Variants in P2RY14 observed in about 807,000 individuals in gnomAD.
P2RY14 encodes the protein purinergic receptor P2Y14.
P2RY14 carries 2 observed loss-of-function variants against 0.9 expected under a neutral mutation model. The observed-to-expected ratio is 2.16, with a 90% CI of 0.88 to 6.79. The LOEUF is 6.79. P2RY14 is among the 30% of genes most tolerant of loss of function. The pLI is 0.05. For synonymous variants in P2RY14, 158 were observed against 147.2 expected (o/e 1.07, Z -0.53); for missense variants, 378 against 400.1 (o/e 0.94, Z 0.47).
intron 1 of P2RY14, among the ~76,000 whole-genome samples, chr3:151,232,622 G>A (rs1731914624): frequency 6.6e-6 from 1 of 152,150 alleles, no homozygotes; most frequent in Admixed American, 6.5e-5. Flanking sequence ...AAAAGAATGA[G>A]ATCATGTCTT....
At chr3:151,234,256 T>C (rs993449339) in intron 1 of P2RY14, among the ~76,000 whole-genome samples, 8 of 152,268 alleles carry the variant, frequency 5.3e-5, no homozygotes, top group Non-Finnish European at 7.3e-5. Flanking sequence ...TGAGACTGAA[T>C]TAACTACAGT....
intron 1 of P2RY14, among the ~76,000 whole-genome samples, chr3:151,274,046 A>G (rs1215578403): frequency 6.6e-6 from 1 of 152,190 alleles, no homozygotes; most frequent in Non-Finnish European, 1.5e-5. Flanking sequence ...TAAACTGAGA[A>G]ACTGGATTTG....
chr3:151,274,877 C>T (rs1477290400), intron 1 of P2RY14, among the ~76,000 whole-genome samples: 2 of 152,134 alleles, frequency 1.3e-5, no homozygotes, highest in Non-Finnish European at 2.9e-5. Context: ...TGTTGGCTGC[C>T]TCATTGTAAG....
chr3:151,256,963 T>G (rs992988614), intron 1 of P2RY14, among the ~76,000 whole-genome samples: 1 of 152,096 alleles, frequency 6.6e-6, no homozygotes, highest in Non-Finnish European at 1.5e-5. Context: ...AGTCCACATA[T>G]GAAGTATGTA....
intron 1 of P2RY14, among the ~76,000 whole-genome samples, chr3:151,246,601 A>G (rs1336540967): frequency 1.3e-5 from 2 of 152,188 alleles, no homozygotes; most frequent in Non-Finnish European, 2.9e-5. Flanking sequence ...CCTTTCTTAC[A>G]CCTTATACAA....
chr3:151,254,638 A>T (rs1202662050), intron 1 of P2RY14, among the ~76,000 whole-genome samples: 1 of 152,258 alleles, frequency 6.6e-6, no homozygotes, highest in Non-Finnish European at 1.5e-5. Flanking sequence ...AGCTGCATTT[A>T]GAGAGAAATG....
chr3:151,242,583 A>G (rs1209499701), intron 1 of P2RY14, among the ~76,000 whole-genome samples: 13 of 152,218 alleles, frequency 8.5e-5, no homozygotes, highest in Admixed American at 7.8e-4. Flanking sequence ...AAACTAACAA[A>G]CAGAAAACAC....
rs55920434 is a variant in P2RY14 at position 151,270,196 on chromosome 3, CGTGT to C, written c.-133+8087_-133+8090del. Reference sequence around the variant, plus strand: ...TCTCCAGTTCCTGGGAGCAAGCTGTCGTGTGTGTGTGTGTGTGTGTGTGTGTGTG... The same window carrying C: ...TCTCCAGTTCCTGGGAGCAAGCTGTCGTGTGTGTGTGTGTGTGTGTGTGTG... On this transcript the variant is annotated intron_variant, in intron 1 of 2. Transcript: ENST00000309170. 279 of 129,698 alleles carry C rather than the reference CGTGT, an allele frequency of 2.2e-3. 1 individual carries two copies. The highest frequency in any genetic ancestry group is 6.1e-3 in the African/African-American group (186 of 30,362). 8.0% of individuals were successfully genotyped at this position (129,698 alleles called of 1,614,324 possible).
At chr3:151,267,320 A>G (rs1740029863) in intron 1 of P2RY14, among the ~76,000 whole-genome samples, 1 of 152,226 alleles carries the variant, frequency 6.6e-6, no homozygotes, top group Non-Finnish European at 1.5e-5. Context: ...AGTCATTGAA[A>G]TACTTCATGA....
intron 1 of P2RY14, among the ~76,000 whole-genome samples, chr3:151,235,633 G>A (rs1247918258): frequency 4.6e-5 from 7 of 152,094 alleles, no homozygotes; most frequent in Non-Finnish European, 2.9e-5. Flanking sequence ...GGCAGAGGTC[G>A]CAGTGAGCTG....
At chr3:151,214,375 A>G (rs1727780522) in intron 2 of P2RY14, 35 bp from the exon 3 acceptor site, 6 of 1,381,448 alleles carry the variant, frequency 4.3e-6, no homozygotes, top group South Asian at 3.9e-5. Flanking sequence ...CTCATAGGGC[A>G]CTTATGGCCT....
chr3:151,245,522 A>G lies in P2RY14; in HGVS notation c.-132-25880T>C, dbSNP rs1159737173. On this transcript the variant is annotated intron_variant, in intron 1 of 2. Coordinates refer to ENST00000309170, the MANE Select transcript of P2RY14 (RefSeq NM_014879.4). Reference sequence around the variant, plus strand: ...AAACAGAGCCAAAGACAAAAACCACATGATTATCTCAATAGATGCAGAAAA... The same window carrying G: ...AAACAGAGCCAAAGACAAAAACCACGTGATTATCTCAATAGATGCAGAAAA... 1.4e-4 allele frequency among the ~76,000 whole-genome samples: 21 copies of G among 145,802 alleles called. No individual in the cohort carries two copies. In the East Asian group the frequency reaches 3.8e-3, roughly 27 times the overall value.
At chr3:151,254,918 G>C (rs1213467031) in intron 1 of P2RY14, among the ~76,000 whole-genome samples, 1 of 152,210 alleles carries the variant, frequency 6.6e-6, no homozygotes, top group African/African-American at 2.4e-5. Context: ...TGTCGGAATA[G>C]TTGAGACTTG....
At chr3:151,256,100 T>C (rs1420318233) in intron 1 of P2RY14, among the ~76,000 whole-genome samples, 1 of 152,254 alleles carries the variant, frequency 6.6e-6, no homozygotes, top group African/African-American at 2.4e-5. Flanking sequence ...TTTGTGTTTT[T>C]AATGAATATT....
intron 1 of P2RY14, among the ~76,000 whole-genome samples, chr3:151,258,530 G>C (rs1738253093): frequency 1.3e-5 from 2 of 152,004 alleles, no homozygotes; most frequent in African/African-American, 4.8e-5. Context: ...CTGTTTTTTT[G>C]AATGACTGCT....
rs148423792 is a variant in P2RY14 at position 151,213,506 on chromosome 3, C to A, written c.811G>T (p.Glu271Ter). Residue 271 changes from glutamate to a stop codon, truncating the protein, a stop_gained, in exon 3 of 3, where the codon GAA (glutamate) becomes TAA (stop). Transcript: ENST00000309170. LOFTEE classifies it high-confidence loss of function. The stretch of plus-strand genomic sequence containing the variant: ...AATTCTTTCATATACCGCAAGATTT[C>A]TTTTGACTGGCAGCTGTAATGAGCT... The part of the protein sequence containing the change: ...TEAHYSCQSK[E>*]ILRYMKEFTL... The A allele has an allele frequency of 1.2e-6, 2 of 1,614,026 alleles. No homozygotes were observed. The highest frequency in any genetic ancestry group is 2.7e-5 in the African/African-American group (2 of 74,930).
intron 1 of P2RY14, among the ~76,000 whole-genome samples, chr3:151,253,768 C>G (rs1737278429): frequency 6.6e-6 from 1 of 151,968 alleles, no homozygotes; most frequent in African/African-American, 2.4e-5. Flanking sequence ...CTCTCTCATC[C>G]ATATTGCCAG....
intron 1 of P2RY14, among the ~76,000 whole-genome samples, chr3:151,220,320 G>A (rs889622237): frequency 1.3e-5 from 2 of 151,994 alleles, no homozygotes; most frequent in African/African-American, 2.4e-5. Context: ...ATGGTGGTTG[G>A]ATTTGGTTCT....
At chr3:151,247,569 A>G (rs1013762287) in intron 1 of P2RY14, among the ~76,000 whole-genome samples, 20 of 140,558 alleles carry the variant, frequency 1.4e-4, no homozygotes, top group African/African-American at 4.2e-4. Flanking sequence ...CAATGAGATC[A>G]CATGGACACA....
Sources: gnomAD v4.1 joint callset for allele counts (sites outside exome capture counted in the v4.1 genomes callset) on GRCh38, gnomAD v4.1.1 for gene constraint, MANE v1.5 for transcripts, NCBI Gene and HGNC (gene_info 2026-07-23, HGNC 2026-07-21) for gene names.